Variants in SORCS3 observed in about 807,000 individuals in gnomAD.
SORCS3 encodes sortilin related VPS10 domain containing receptor 3.
In SORCS3, 57 loss-of-function variants were observed where a neutral mutation model predicts 146.3. That is an observed-to-expected ratio of 0.39 (90% CI 0.31 to 0.49). The LOEUF (loss-of-function observed/expected upper bound fraction) is 0.49, where lower values mean the gene tolerates loss of function less well. Ranked by LOEUF, SORCS3 falls within the 20% of genes least tolerant of loss-of-function variation. SORCS3 has a pLI of 0.92. For missense variants in SORCS3, 1,341 were observed against 1,575.5 expected, an observed-to-expected ratio of 0.85 and a Z score of 2.52; for synonymous variants, 653 against 618.5, an observed-to-expected ratio of 1.06 and a Z score of -0.83.
intron 4 of SORCS3, among the ~76,000 whole-genome samples, chr10:105,015,863 G>A (rs2055162289): frequency 6.6e-6 from 1 of 151,454 alleles, no homozygotes; most frequent in Admixed American, 6.6e-5. Flanking sequence ...CTGAGTAGCT[G>A]GGATTACAGG....
chr10:104,790,977 C>G (rs1255692064), intron 1 of SORCS3, among the ~76,000 whole-genome samples: 3 of 152,110 alleles, frequency 2.0e-5, no homozygotes, highest in African/African-American at 7.2e-5. Context: ...ACAGGCAACA[C>G]TTTTTTTTCT....
rs140691154 is a variant in SORCS3 at position 104,706,334 on chromosome 10, A to G, written c.627+64380A>G. Among the ~76,000 whole-genome samples, 319 of 149,346 alleles carry G rather than the reference A, an allele frequency of 2.1e-3. 1 individual carries two copies. The highest frequency in any genetic ancestry group is 7.6e-3 in the African/African-American group (305 of 40,360). On this transcript the variant is annotated intron_variant, in intron 1 of 26. Transcript: ENST00000369701. The stretch of plus-strand genomic sequence containing the variant: ...GCGATTCTCCTGTCTCAGCCTCCGG[A>G]GTAGCTGGGGACTACAGGCGTGCAC...
chr10:105,015,241 T>C (rs1005588405), intron 4 of SORCS3, among the ~76,000 whole-genome samples: 2 of 152,154 alleles, frequency 1.3e-5, no homozygotes, highest in African/African-American at 2.4e-5. Flanking sequence ...GCCAAATAAG[T>C]GTAAATTCTG....
intron 14 of SORCS3, among the ~76,000 whole-genome samples, chr10:105,191,799 A>T (rs868271205): frequency 6.6e-6 from 1 of 152,188 alleles, no homozygotes; most frequent in South Asian, 2.1e-4. Context: ...GTGAGAATCC[A>T]ATACCACAGC....
At chr10:105,224,888 T>G (rs1453115173) in intron 20 of SORCS3, among the ~76,000 whole-genome samples, 1 of 152,018 alleles carries the variant, frequency 6.6e-6, no homozygotes, top group Non-Finnish European at 1.5e-5. Flanking sequence ...ATAACATCTT[T>G]GGTGAGTTGT....
At position 104,660,827 on chromosome 10, in the gene SORCS3, T is replaced by A. The variant is rs116164803; in HGVS notation, c.627+18873T>A. The stretch of plus-strand genomic sequence containing the variant: ...GGTCCAGAGATGCCTATTTCCTGTC[T>A]GACTCATGCCTGAGCCTCAAAAAGC... On this transcript the variant is annotated intron_variant, in intron 1 of 26. Coordinates refer to ENST00000369701, the MANE Select transcript of SORCS3 (RefSeq NM_014978.3). Among the ~76,000 whole-genome samples, 4 of 152,310 alleles carry A rather than the reference T, an allele frequency of 2.6e-5. No homozygotes were observed. In the East Asian group the frequency reaches 7.7e-4, roughly 29 times the overall value.
At chr10:104,770,314 T>C (rs2017233341) in intron 1 of SORCS3, among the ~76,000 whole-genome samples, 1 of 152,156 alleles carries the variant, frequency 6.6e-6, no homozygotes, top group South Asian at 2.1e-4. Flanking sequence ...CTTTTGATTA[T>C]CTCAGTGTTT....
At chr10:105,201,351 G>A (rs2306652) in intron 16 of SORCS3, 98 bp downstream of exon 16, 13 of 1,406,506 alleles carry the variant, frequency 9.2e-6, no homozygotes, top group Admixed American at 2.3e-5. Context: ...GAAGCATGAC[G>A]CAGAGATAGG....
intron 13 of SORCS3, 150 bp from the exon 14 acceptor site, chr10:105,177,916 T>C (rs1441534169): frequency 1.6e-6 from 1 of 619,196 alleles, no homozygotes; most frequent in Non-Finnish European, 2.9e-6. Context: ...CTCATAATAA[T>C]ATGGGGAGAT....
At chr10:104,768,645 C>G (rs527623346) in intron 1 of SORCS3, among the ~76,000 whole-genome samples, 1 of 152,312 alleles carries the variant, frequency 6.6e-6, no homozygotes, top group African/African-American at 2.4e-5. Context: ...GCTTCATTCT[C>G]TTGCAGTGCT....
At chr10:105,236,031 A>T (rs981736723) in intron 20 of SORCS3, among the ~76,000 whole-genome samples, 1 of 152,136 alleles carries the variant, frequency 6.6e-6, no homozygotes. Flanking sequence ...ATAGAGCAAG[A>T]TTCATGGACC....
intron 20 of SORCS3, among the ~76,000 whole-genome samples, chr10:105,230,730 G>T (rs2056761184): frequency 6.6e-6 from 1 of 152,176 alleles, no homozygotes; most frequent in African/African-American, 2.4e-5. Context: ...GTGCAGTGGT[G>T]ACTGTCTGTG....
chr10:104,781,598 T>C (rs765266023), intron 1 of SORCS3, among the ~76,000 whole-genome samples: 2 of 152,224 alleles, frequency 1.3e-5, no homozygotes, highest in African/African-American at 2.4e-5. Context: ...ACACACACTT[T>C]TCAAGAAACA....
intron 17 of SORCS3, 73 bp from the exon 18 acceptor site, chr10:105,214,369 C>CACACAA (rs2056652383): frequency 1.3e-6 from 2 of 1,483,494 alleles, no homozygotes; most frequent in African/African-American, 1.4e-5. Context: ...CTTTATAACA[C>CACACAA]ACACACACAC....
At chr10:104,968,017 T>C (rs1187906795) in intron 3 of SORCS3, among the ~76,000 whole-genome samples, 2 of 152,186 alleles carry the variant, frequency 1.3e-5, no homozygotes, top group Non-Finnish European at 2.9e-5. Flanking sequence ...ATGTGCCTGG[T>C]AGTGTGCTAA....
At chr10:105,214,255 G>T (rs550614427) in intron 17 of SORCS3, among the ~76,000 whole-genome samples, 187 bp from the exon 18 acceptor site, 1 of 152,242 alleles carries the variant, frequency 6.6e-6, no homozygotes, top group South Asian at 2.1e-4. Flanking sequence ...GGGATAGCAG[G>T]TCCTCAGCAT....
At chr10:104,891,470 A>G (rs946313358) in intron 2 of SORCS3, among the ~76,000 whole-genome samples, 3 of 152,138 alleles carry the variant, frequency 2.0e-5, no homozygotes, top group African/African-American at 4.8e-5. Context: ...TGCTGAACTC[A>G]GGGAGATCAC....
At chr10:104,699,648 T>C (rs1212757370) in intron 1 of SORCS3, among the ~76,000 whole-genome samples, 1 of 152,140 alleles carries the variant, frequency 6.6e-6, no homozygotes, top group Non-Finnish European at 1.5e-5. Context: ...GACCAGCTTT[T>C]TTGAAGAGCC....
chr10:104,935,105 C>A (rs2019247263), intron 3 of SORCS3, among the ~76,000 whole-genome samples: 1 of 152,126 alleles, frequency 6.6e-6, no homozygotes, highest in Non-Finnish European at 1.5e-5. Flanking sequence ...GGCCAATCAT[C>A]GTATGATTAA....
Sources: gnomAD v4.1 joint callset for allele counts (sites outside exome capture counted in the v4.1 genomes callset) on GRCh38, gnomAD v4.1.1 for gene constraint, MANE v1.5 for transcripts, NCBI Gene and HGNC (gene_info 2026-07-23, HGNC 2026-07-21) for gene names.